Variants in CNTNAP2 observed in about 807,000 individuals in gnomAD.
CNTNAP2 encodes the protein contactin associated protein 2.
Under a neutral mutation model 155.2 loss-of-function variants are expected in CNTNAP2, and 98 were observed. That is an observed-to-expected ratio of 0.63 (90% CI 0.54 to 0.75). CNTNAP2 has a LOEUF of 0.75. CNTNAP2 is among the 30% of genes least tolerant of loss of function. CNTNAP2 has a pLI of 0.00. For synonymous variants in CNTNAP2, 651 were observed against 631.2 expected (o/e 1.03, Z -0.47); for missense variants, 1,727 against 1,688.1 (o/e 1.02, Z -0.40).
intron 1 of CNTNAP2, among the ~76,000 whole-genome samples, chr7:146,459,577 T>A (rs1477926977): frequency 6.6e-6 from 1 of 152,112 alleles, no homozygotes; most frequent in Non-Finnish European, 1.5e-5. Context: ...ATAAAATACT[T>A]CCTGAACATG....
intron 10 of CNTNAP2, among the ~76,000 whole-genome samples, chr7:147,454,732 T>C (rs907205242): frequency 1.3e-5 from 2 of 151,958 alleles, no homozygotes; most frequent in Non-Finnish European, 2.9e-5. Flanking sequence ...CCTTTCTCTT[T>C]TTTTTTTTCT....
intron 9 of CNTNAP2, among the ~76,000 whole-genome samples, chr7:147,325,961 A>T (rs544662761): frequency 2.6e-5 from 4 of 152,024 alleles, no homozygotes; most frequent in South Asian, 2.1e-4. Flanking sequence ...CTTGCTCTGT[A>T]GCCCTGGCTG....
At chr7:148,267,933 T>C (rs1259124366) in intron 21 of CNTNAP2, among the ~76,000 whole-genome samples, 1 of 152,192 alleles carries the variant, frequency 6.6e-6, no homozygotes, top group African/African-American at 2.4e-5. Context: ...TTGATATTAT[T>C]TGCAGATAAG....
intron 15 of CNTNAP2, among the ~76,000 whole-genome samples, chr7:148,102,260 T>C (rs118149563): frequency 1.1e-3 from 162 of 152,354 alleles, no homozygotes; most frequent in Middle Eastern, 6.8e-3. Flanking sequence ...TTGCTGGGGA[T>C]GATGGCCTTC....
chr7:147,884,264 G>A (rs1352977290), intron 13 of CNTNAP2, among the ~76,000 whole-genome samples: 1 of 152,114 alleles, frequency 6.6e-6, no homozygotes, highest in Non-Finnish European at 1.5e-5. Context: ...TGATAAATAA[G>A]GAATTCATTC....
Position 147,121,043 on chromosome 7 carries a change from C to T in CNTNAP2, c.819C>T (p.Asp273=). The T allele has an allele frequency of 6.2e-7, 1 of 1,614,054 alleles. No homozygotes were observed. The highest frequency in any genetic ancestry group is 2.2e-5 in the East Asian group (1 of 44,882). The change falls in exon 6 of 24, where the codon GAC becomes GAT. Residue 273 remains aspartate, a synonymous_variant. Coordinates refer to ENST00000361727, the MANE Select transcript of CNTNAP2 (RefSeq NM_014141.6). The stretch of plus-strand genomic sequence containing the variant: ...TGATGACAGGAAGTTTGCTGGATGA[C>T]CACCACTGGCACTCTGTGGTCATTG... ...TSVMTGSLLD[D]HHWHSVVIER...
Position 147,163,117 on chromosome 7 carries a change from A to G in CNTNAP2, c.1348+30608A>G, listed in dbSNP as rs1374173471. On this transcript the variant is annotated intron_variant, in intron 8 of 23. Transcript: ENST00000361727. The stretch of plus-strand genomic sequence containing the variant: ...TCAGGCTGTAGAAGCATCACATCCC[A>G]GGCTGTTATATCTGCAAGAACACAG... Among the ~76,000 whole-genome samples, 6 of 152,314 alleles carry G rather than the reference A, an allele frequency of 3.9e-5. No homozygotes were observed. The East Asian group carries it at 1.2e-3, about 29-fold the overall frequency.
At chr7:146,134,806 G>T (rs568319765) in intron 1 of CNTNAP2, among the ~76,000 whole-genome samples, 2 of 151,664 alleles carry the variant, frequency 1.3e-5, no homozygotes, top group Admixed American at 6.6e-5. Context: ...TGCTGGATTC[G>T]GTTTGCCAGT....
At chr7:146,646,834 T>C (rs1799820068) in intron 1 of CNTNAP2, among the ~76,000 whole-genome samples, 1 of 152,116 alleles carries the variant, frequency 6.6e-6, no homozygotes, top group African/African-American at 2.4e-5. Flanking sequence ...AGAAAGAAGG[T>C]GTCAAGACAA....
At chr7:147,428,795 A>C (rs1797421781) in intron 10 of CNTNAP2, among the ~76,000 whole-genome samples, 1 of 152,096 alleles carries the variant, frequency 6.6e-6, no homozygotes, top group Non-Finnish European at 1.5e-5. Flanking sequence ...GTTTTATTTC[A>C]GTAGTTTTTT....
chr7:148,202,868 C>T (rs1462139633), intron 18 of CNTNAP2, among the ~76,000 whole-genome samples: 1 of 152,200 alleles, frequency 6.6e-6, no homozygotes. Context: ...ATACAACAAA[C>T]GCGTGGCCTA....
At chr7:147,807,584 CATCA>C (rs1798111244) in intron 13 of CNTNAP2, among the ~76,000 whole-genome samples, 1 of 152,134 alleles carries the variant, frequency 6.6e-6, no homozygotes, top group South Asian at 2.1e-4. Context: ...TCCACCCATC[CATCA>C]ATCGAGTGCC....
chr7:147,656,957 CT>C (rs1222326664), intron 13 of CNTNAP2, among the ~76,000 whole-genome samples: 1 of 152,114 alleles, frequency 6.6e-6, no homozygotes, highest in Non-Finnish European at 1.5e-5. Context: ...CATGATGTGT[CT>C]GTGTGTGTGG....
intron 13 of CNTNAP2, among the ~76,000 whole-genome samples, chr7:147,779,947 G>C (rs894420911): frequency 2.0e-5 from 3 of 152,214 alleles, no homozygotes; most frequent in African/African-American, 7.2e-5. Context: ...CAGTAATGCA[G>C]AGTATGAGAC....
At chr7:147,001,642 T>C (rs78916648) in intron 3 of CNTNAP2, among the ~76,000 whole-genome samples, 9,204 of 152,060 alleles carry the variant, frequency 0.061, 336 homozygotes, top group Middle Eastern at 0.13. Context: ...CATGAATTCT[T>C]CATAAAATCT....
intron 8 of CNTNAP2, among the ~76,000 whole-genome samples, chr7:147,290,122 T>A (rs1805268719): frequency 6.6e-6 from 1 of 152,200 alleles, no homozygotes; most frequent in African/African-American, 2.4e-5. Flanking sequence ...CAGCCTCTGA[T>A]CACAATATTT....
intron 1 of CNTNAP2, among the ~76,000 whole-genome samples, chr7:146,121,132 T>G (rs1797557071): frequency 7.8e-6 from 1 of 127,412 alleles, no homozygotes; most frequent in African/African-American, 2.9e-5. Flanking sequence ...TTTTTTTTTT[T>G]TTTTTTTTTT....
intron 12 of CNTNAP2, among the ~76,000 whole-genome samples, chr7:147,610,162 A>T (rs764644319): frequency 4.6e-5 from 7 of 152,256 alleles, no homozygotes; most frequent in Non-Finnish European, 8.8e-5. Context: ...CGGATTTACA[A>T]CTAAAGCATG....
intron 12 of CNTNAP2, among the ~76,000 whole-genome samples, chr7:147,617,482 A>G (rs971850359): frequency 2.6e-5 from 4 of 152,184 alleles, no homozygotes; most frequent in Non-Finnish European, 5.9e-5. Context: ...TTTTTATGTA[A>G]TAGGCTATAC....
Sources: gnomAD v4.1 joint callset for allele counts (sites outside exome capture counted in the v4.1 genomes callset) on GRCh38, gnomAD v4.1.1 for gene constraint, MANE v1.5 for transcripts, NCBI Gene and HGNC (gene_info 2026-07-23, HGNC 2026-07-21) for gene names.